B4GALNT3: variants seen among roughly 807,000 people sequenced by gnomAD.
B4GALNT3 encodes beta-1,4-N-acetyl-galactosaminyltransferase 3.
Under a neutral mutation model 120.2 loss-of-function variants are expected in B4GALNT3, and 86 were observed. That is an observed-to-expected ratio of 0.72 (90% confidence interval 0.60 to 0.86). B4GALNT3 has a LOEUF of 0.86. B4GALNT3 is among the 40% of genes least tolerant of loss of function. The pLI is 0.00. For synonymous variants in B4GALNT3, 518 were observed against 510.4 expected, an observed-to-expected ratio of 1.01 and a Z score of -0.20; for missense variants, 1,167 against 1,298.9, an observed-to-expected ratio of 0.90 and a Z score of 1.56.
At chr12:546,529 CGTCT>C in intron 6 of B4GALNT3, 113 bp from the exon 7 acceptor site, 1 of 913,978 alleles carries the variant, frequency 1.1e-6, no homozygotes. Flanking sequence ...TCATTCCGCC[CGTCT>C]TCCTCCCTTT....
intron 14 of B4GALNT3, chr12:555,406 A>G (rs769930250): frequency 1.1e-4 from 52 of 456,278 alleles, no homozygotes; most frequent in Non-Finnish European, 2.2e-4. Flanking sequence ...CGTGTTGTAG[A>G]ATCTATTAAA....
intron 6 of B4GALNT3, among the ~76,000 whole-genome samples, chr12:545,698 G>T (rs1946988970): frequency 7.0e-6 from 1 of 141,956 alleles, no homozygotes; most frequent in Admixed American, 6.9e-5. Flanking sequence ...GGTGTGGGGA[G>T]GAGTGAGGAA....
intron 1 of B4GALNT3, among the ~76,000 whole-genome samples, chr12:533,978 A>G (rs566926276): frequency 1.3e-5 from 2 of 152,190 alleles, no homozygotes; most frequent in African/African-American, 4.8e-5. Flanking sequence ...GCTGGTGCTC[A>G]CGTAGGGGTT....
chr12:481,540 TCTC>T, intron 1 of B4GALNT3, among the ~76,000 whole-genome samples: 1 of 152,334 alleles, frequency 6.6e-6, no homozygotes, highest in African/African-American at 2.4e-5. Flanking sequence ...TGTGCTGCCT[TCTC>T]CTAACCCTGT....
chr12:561,721 A>G lies in B4GALNT3; in HGVS notation c.*270A>G. 2.3e-6 allele frequency: 1 copy of G among 435,670 alleles called. No individual in the cohort carries two copies. The highest frequency in any genetic ancestry group is 3.9e-5 in the Admixed American group (1 of 25,912). The allele number at this position is 435,670 out of a possible 1,614,324, so 27.0% of individuals were successfully genotyped here. ...GTCGAGAACGGGAAGAGCTCCTGAG[A>G]AGGACGGGTCAGGAAGGAGAGATCT... is the stretch of plus-strand genomic sequence containing the variant. On this transcript the variant is annotated 3_prime_UTR_variant, in exon 20 of 20. Transcript: ENST00000266383.
chr12:544,181 C>A (rs1946960303), intron 3 of B4GALNT3, among the ~76,000 whole-genome samples, 158 bp from the exon 4 acceptor site: 2 of 147,458 alleles, frequency 1.4e-5, no homozygotes, highest in African/African-American at 5.0e-5. Flanking sequence ...GGATGCTCAT[C>A]CTCCTGGAGC....
At chr12:477,268 A>C (rs1354153421) in intron 1 of B4GALNT3, among the ~76,000 whole-genome samples, 3 of 152,122 alleles carry the variant, frequency 2.0e-5, no homozygotes, top group Non-Finnish European at 4.4e-5. Flanking sequence ...CTGCCCTAAC[A>C]ATCTGGTAGT....
At chr12:520,102 G>A (rs1047992196) in intron 1 of B4GALNT3, among the ~76,000 whole-genome samples, 1 of 152,168 alleles carries the variant, frequency 6.6e-6, no homozygotes, top group Admixed American at 6.5e-5. Flanking sequence ...GCTGGCTCAG[G>A]GAAAAGGGAG....
At chr12:523,858 C>T (rs71447495) in intron 1 of B4GALNT3, among the ~76,000 whole-genome samples, 6,188 of 152,116 alleles carry the variant, frequency 0.041, 187 homozygotes, top group Non-Finnish European at 0.062. Flanking sequence ...GTCAGGAGTT[C>T]GAGACCAGCC....
At chr12:552,239 G>C (rs2120722086) in intron 12 of B4GALNT3, 76 bp downstream of exon 12, 1 of 1,310,974 alleles carries the variant, frequency 7.6e-7, no homozygotes, top group Non-Finnish European at 1.1e-6. Flanking sequence ...GCCTGGACCA[G>C]GGTGATGGTG....
At chr12:525,135 G>A (rs1946749151) in intron 1 of B4GALNT3, among the ~76,000 whole-genome samples, 1 of 117,228 alleles carries the variant, frequency 8.5e-6, no homozygotes, top group Admixed American at 9.4e-5. Flanking sequence ...TTGAGACGGA[G>A]TCTCGCTCTG....
At chr12:535,352 C>T in intron 2 of B4GALNT3, 83 bp downstream of exon 2, 1 of 1,165,988 alleles carries the variant, frequency 8.6e-7, no homozygotes, top group Non-Finnish European at 1.2e-6. Context: ...TTAAGGGTAA[C>T]CTCTGCTACT....
chr12:517,424 T>C (rs919708088), intron 1 of B4GALNT3, among the ~76,000 whole-genome samples: 1 of 152,158 alleles, frequency 6.6e-6, no homozygotes, highest in Non-Finnish European at 1.5e-5. Flanking sequence ...CATATGTTAC[T>C]TGTATTTTAG....
chr12:545,690 TGTGGG>T (rs1946988481), intron 6 of B4GALNT3, among the ~76,000 whole-genome samples: 1 of 86,466 alleles, frequency 1.2e-5, no homozygotes, highest in African/African-American at 5.9e-5. Context: ...AGGAGCGAGG[TGTGGG>T]GAGGAGTGAG....
intron 1 of B4GALNT3, among the ~76,000 whole-genome samples, chr12:496,855 T>G (rs1407978947): frequency 1.3e-5 from 2 of 152,246 alleles, no homozygotes; most frequent in African/African-American, 2.4e-5. Context: ...TTCATCCATG[T>G]GTAGCATGTT....
intron 18 of B4GALNT3, 143 bp downstream of exon 18, chr12:558,804 G>A: frequency 1.1e-6 from 1 of 898,812 alleles, no homozygotes; most frequent in Non-Finnish European, 1.6e-6. Flanking sequence ...TCACTCCCCG[G>A]AAAACTCACC....
At chr12:556,506 T>C in intron 14 of B4GALNT3, 41 bp from the exon 15 acceptor site, 1 of 1,568,172 alleles carries the variant, frequency 6.4e-7, no homozygotes, top group Non-Finnish European at 8.7e-7. Context: ...CCTCCCAGTG[T>C]GGAAAGGAAC....
intron 19 of B4GALNT3, among the ~76,000 whole-genome samples, chr12:560,339 G>A (rs1947214594): frequency 6.6e-6 from 1 of 152,100 alleles, no homozygotes; most frequent in Non-Finnish European, 1.5e-5. Flanking sequence ...CAGTCACTGG[G>A]TCCCTATACA....
At chr12:468,376 A>G (rs1049447788) in intron 1 of B4GALNT3, among the ~76,000 whole-genome samples, 17 of 152,218 alleles carry the variant, frequency 1.1e-4, no homozygotes, top group African/African-American at 4.1e-4. Context: ...TTATTTAGGT[A>G]CTGAAAAGTT....
Sources: gnomAD v4.1 joint callset for allele counts (sites outside exome capture counted in the v4.1 genomes callset) on GRCh38, gnomAD v4.1.1 for gene constraint, MANE v1.5 for transcripts, NCBI Gene and HGNC (gene_info 2026-07-23, HGNC 2026-07-21) for gene names.